Variants in KAZN observed in about 807,000 individuals in gnomAD.
KAZN encodes the protein kazrin.
Under a neutral mutation model 87.4 loss-of-function variants are expected in KAZN, and 40 were observed. The observed-to-expected ratio is 0.46, with a 90% CI of 0.36 to 0.60. The LOEUF is 0.60. KAZN is among the 20% of genes least tolerant of loss of function. KAZN has a pLI of 0.00. For missense variants in KAZN, 898 were observed against 1,073.9 expected (o/e 0.84, Z 2.29); for synonymous variants, 466 against 458.3 (o/e 1.02, Z -0.22).
chr1:14,828,083 C>T (rs552658337), intron 1 of KAZN, among the ~76,000 whole-genome samples: 1 of 152,232 alleles, frequency 6.6e-6, no homozygotes, highest in Non-Finnish European at 1.5e-5. Context: ...GGCAGACATA[C>T]ACAATCAATC....
In KAZN at chr1:15,068,559, G is replaced by A. The variant is rs533460469; in HGVS notation, c.1222+2806G>A. ...CGCAGACCTCCGTGGACCTCTGCGC[G>A]TCCCACGATCCCACCCTCCCTGGAG... On this transcript the variant is annotated intron_variant, in intron 8 of 14. Transcript: ENST00000376030. Among the ~76,000 whole-genome samples the A allele has an allele frequency of 1.3e-3, 201 of 152,060 alleles. 2 individuals are homozygous for A. The highest frequency in any genetic ancestry group is 4.5e-3 in the African/African-American group (187 of 41,488).
chr1:14,982,060 T>C (rs1272367756), intron 2 of KAZN, among the ~76,000 whole-genome samples: 2 of 152,194 alleles, frequency 1.3e-5, no homozygotes, highest in Non-Finnish European at 2.9e-5. Context: ...TGCCAGGCTG[T>C]CTGCATACGT....
intron 2 of KAZN, among the ~76,000 whole-genome samples, chr1:14,224,160 G>A (rs550668996): frequency 6.6e-6 from 1 of 152,268 alleles, no homozygotes; most frequent in African/African-American, 2.4e-5. Context: ...TGATTTTTAT[G>A]TGAAAGTCAG....
chr1:14,449,867 G>T (rs1667173315), intron 2 of KAZN, among the ~76,000 whole-genome samples: 1 of 152,116 alleles, frequency 6.6e-6, no homozygotes, highest in Admixed American at 6.5e-5. Flanking sequence ...GGAGAAATTT[G>T]TGAGTTTAAT....
rs1243718710 is a variant in KAZN, at chr1:14,736,297, GTGTA to G, written c.226+137076_226+137079del. ...TGTGTGTGTGTGTGTGTGTGTGTGTGTGTATATTTTTTTTTTTTGAGACGGAGTT... is the reference window on the plus strand; with the variant it reads ...TGTGTGTGTGTGTGTGTGTGTGTGTGTATTTTTTTTTTTTGAGACGGAGTT... On this transcript the variant is annotated intron_variant, in intron 1 of 14. Transcript: ENST00000376030. 3.3e-3 allele frequency among the ~76,000 whole-genome samples: 311 copies of G among 93,774 alleles called. 1 individual carries two copies. The highest frequency in any genetic ancestry group is 1.0e-2 in the African/African-American group (265 of 26,628). 61.5% of individuals were successfully genotyped at this position (93,774 alleles called of 152,430 possible).
At chr1:14,586,570 T>A (rs1234024494) in intron 2 of KAZN, among the ~76,000 whole-genome samples, 1 of 149,080 alleles carries the variant, frequency 6.7e-6, no homozygotes. Flanking sequence ...ATTCTGTTGC[T>A]CAGGTGCTGG....
At chr1:14,538,712 T>C (rs1220738802) in intron 2 of KAZN, among the ~76,000 whole-genome samples, 1 of 152,232 alleles carries the variant, frequency 6.6e-6, no homozygotes, top group East Asian at 1.9e-4. Flanking sequence ...GCCAAGCAGC[T>C]GAAATGATTT....
chr1:13,962,262 C>T (rs571865190), intron 1 of KAZN, among the ~76,000 whole-genome samples: 5 of 151,958 alleles, frequency 3.3e-5, no homozygotes, highest in East Asian at 3.9e-4. Flanking sequence ...GGGGTCGGGG[C>T]GGAGCAGGAG....
intron 1 of KAZN, among the ~76,000 whole-genome samples, chr1:14,754,050 C>G (rs1379956448): frequency 1.3e-5 from 2 of 152,218 alleles, no homozygotes; most frequent in Non-Finnish European, 2.9e-5. Flanking sequence ...CCTAACCAGC[C>G]TGTGACCAAT....
chr1:14,359,256 CTTTT>C (rs908248666), intron 2 of KAZN, among the ~76,000 whole-genome samples: 2 of 149,090 alleles, frequency 1.3e-5, no homozygotes, highest in Admixed American at 6.7e-5. Flanking sequence ...CTTTTTTTTT[CTTTT>C]TTTTTCCTTC....
chr1:14,067,638 C>G lies in KAZN; in HGVS notation c.92-112797C>G, dbSNP rs192237601. The stretch of plus-strand genomic sequence containing the variant: ...TTCTTCCACCCTTCTGTCTGTCCCC[C>G]CCCATACTGCTTCCTGGGTTAGTCC... On this transcript the variant is annotated intron_variant, in intron 1 of 16. Transcript: ENST00000636203. Among the ~76,000 whole-genome samples, 760 of 152,312 alleles carry G rather than the reference C, an allele frequency of 5.0e-3. 4 individuals carry two copies. Among genetic ancestry groups the G allele is most frequent in the African/African-American group, 0.015 (627 of 41,572 alleles).
At chr1:14,528,745 T>C (rs1367487261) in intron 2 of KAZN, among the ~76,000 whole-genome samples, 2 of 123,174 alleles carry the variant, frequency 1.6e-5, no homozygotes, top group East Asian at 2.3e-4. Flanking sequence ...CGAGACCCTG[T>C]CTCAAAAAAA....
chr1:14,798,252 T>C (rs866635222), intron 1 of KAZN, among the ~76,000 whole-genome samples: 1 of 152,152 alleles, frequency 6.6e-6, no homozygotes, highest in South Asian at 2.1e-4. Context: ...GCCCTCTTAG[T>C]GGAGGGCTCA....
intron 2 of KAZN, among the ~76,000 whole-genome samples, chr1:14,981,815 TAAAAG>T (rs1215188398): frequency 6.6e-6 from 1 of 152,244 alleles, no homozygotes; most frequent in Non-Finnish European, 1.5e-5. Context: ...GATTTCATCT[TAAAAG>T]AATTTAAGGA....
chr1:14,042,252 G>C (rs1641870135), intron 1 of KAZN, among the ~76,000 whole-genome samples: 1 of 151,564 alleles, frequency 6.6e-6, no homozygotes, highest in South Asian at 2.1e-4. Flanking sequence ...TGCTGCTCTT[G>C]ATTCCAGAAC....
At chr1:13,928,646 C>T (rs1640376080) in intron 1 of KAZN, among the ~76,000 whole-genome samples, 2 of 152,180 alleles carry the variant, frequency 1.3e-5, no homozygotes, top group South Asian at 2.1e-4. Context: ...GATTTTTGTC[C>T]TGAATAAAAT....
chr1:14,484,315 C>A (rs1669236282), intron 2 of KAZN, among the ~76,000 whole-genome samples: 1 of 152,048 alleles, frequency 6.6e-6, no homozygotes, highest in Admixed American at 6.6e-5. Flanking sequence ...GTATTATATT[C>A]TTGAAAATTG....
intron 1 of KAZN, among the ~76,000 whole-genome samples, chr1:14,935,282 C>T (rs756269995): frequency 2.0e-5 from 3 of 152,146 alleles, no homozygotes; most frequent in Admixed American, 6.5e-5. Flanking sequence ...CTCTTGTTGA[C>T]AAGGCTGGAG....
intron 1 of KAZN, among the ~76,000 whole-genome samples, chr1:14,783,919 G>A (rs953135944): frequency 2.0e-5 from 3 of 152,152 alleles, no homozygotes; most frequent in Admixed American, 6.5e-5. Flanking sequence ...CTGGAGAGGC[G>A]AGGAGAGACT....
Sources: gnomAD v4.1 joint callset for allele counts (sites outside exome capture counted in the v4.1 genomes callset) on GRCh38, gnomAD v4.1.1 for gene constraint, MANE v1.5 for transcripts, NCBI Gene and HGNC (gene_info 2026-07-23, HGNC 2026-07-21) for gene names.